NHSL1: variants seen among roughly 807,000 people sequenced by gnomAD.
NHSL1 encodes NHS like 1, also known as NHS-like protein 1.
In NHSL1, 48 loss-of-function variants were observed where a neutral mutation model predicts 95.0. That is an observed-to-expected ratio of 0.51 (90% CI 0.40 to 0.64). The LOEUF (loss-of-function observed/expected upper bound fraction) is 0.64. NHSL1 is among the 30% of genes least tolerant of loss of function. NHSL1 has a pLI of 0.00. For missense variants in NHSL1, 1,971 were observed against 2,077.7 expected (o/e 0.95, Z 1.00); for synonymous variants, 783 against 833.9 (o/e 0.94, Z 1.05).
rs2128237647 is a variant in NHSL1, at chr6:138,464,342, GA to G, written c.339+8963del. 3 of 543,652 alleles carry G rather than the reference GA, an allele frequency of 5.5e-6. No individual in the cohort carries two copies. The South Asian group carries it at 5.9e-5, about 11-fold the overall frequency. 33.7% of individuals were successfully genotyped at this position (543,652 alleles called of 1,614,324 possible). A position where few individuals can be genotyped will look rare whatever the true frequency, so the allele number is the denominator to read the frequency against. ...CACACTCCTGGAGCTCCACGGCCTG[GA>G]GGCCATCTTGCAGGTGGTCGCCATC... is the stretch of plus-strand genomic sequence containing the variant. On this transcript the variant is annotated intron_variant, in intron 3 of 7. Transcript: ENST00000343505.
At chr6:138,466,734 T>C (rs765566440) in intron 3 of NHSL1, among the ~76,000 whole-genome samples, 2 of 152,000 alleles carry the variant, frequency 1.3e-5, no homozygotes, top group Non-Finnish European at 2.9e-5. Flanking sequence ...TTGCTTGTGG[T>C]GATGCTGGTG....
intron 1 of NHSL1, among the ~76,000 whole-genome samples, chr6:138,685,642 G>C (rs1785575750): frequency 6.6e-6 from 1 of 151,980 alleles, no homozygotes; most frequent in Admixed American, 6.6e-5. Context: ...CTTGAGGCCA[G>C]AGTTTGAGAT....
intron 1 of NHSL1, among the ~76,000 whole-genome samples, chr6:138,557,188 C>T (rs1425431494): frequency 4.6e-5 from 7 of 152,084 alleles, no homozygotes; most frequent in Non-Finnish European, 7.4e-5. Context: ...CGTACCAAAA[C>T]GAAAAGCCAA....
upstream of NHSL1, among the ~76,000 whole-genome samples, chr6:138,573,185 T>C (rs1416990171): frequency 4.6e-5 from 7 of 152,226 alleles, no homozygotes; most frequent in Admixed American, 4.6e-4. Context: ...CTGCAGGCTC[T>C]AGCCCTGAGC....
At chr6:138,528,635 T>C (rs1168999292) in intron 1 of NHSL1, among the ~76,000 whole-genome samples, 1 of 152,214 alleles carries the variant, frequency 6.6e-6, no homozygotes, top group African/African-American at 2.4e-5. Flanking sequence ...CTGCTATTAA[T>C]TATCACCCTA....
intron 1 of NHSL1, among the ~76,000 whole-genome samples, chr6:138,508,046 T>C (rs1487409582): frequency 6.6e-6 from 1 of 152,200 alleles, no homozygotes; most frequent in African/African-American, 2.4e-5. Context: ...TAATCCAATA[T>C]CATTGCTGCC....
intron 1 of NHSL1, among the ~76,000 whole-genome samples, chr6:138,621,741 CA>C (rs201634346): frequency 6.6e-6 from 1 of 151,596 alleles, no homozygotes; most frequent in African/African-American, 2.4e-5. Flanking sequence ...ATTAGCTATC[CA>C]AAAAAAATAT....
At chr6:138,596,920 C>A (rs933451536) in intron 1 of NHSL1, among the ~76,000 whole-genome samples, 2 of 152,034 alleles carry the variant, frequency 1.3e-5, no homozygotes, top group African/African-American at 4.8e-5. Context: ...TCAGGGTTCC[C>A]GCCTTGCAAT....
rs750677452 is a variant in NHSL1, at chr6:138,430,266, C to T, written c.3952+127G>A. 1 of 1,305,116 alleles carries T rather than the reference C, an allele frequency of 7.7e-7. No individual in the cohort carries two copies. Among genetic ancestry groups the T allele is most frequent in the Admixed American group, 3.4e-5 (1 of 29,336 alleles). 80.8% of individuals were successfully genotyped at this position (1,305,116 alleles called of 1,614,324 possible). On this transcript the variant is annotated intron_variant, in intron 6 of 7. Transcript: ENST00000343505. The surrounding 1 kb of genome is among the most constrained non-coding windows in gnomAD (Gnocchi z 4.7). ...TGTTTTAACACAGGAAGCCTACATA[C>T]TGCTAGCTTTAACAGGAATCTGATC...
At chr6:138,429,574 T>C in intron 7 of NHSL1, 137 bp downstream of exon 7, 1 of 758,706 alleles carries the variant, frequency 1.3e-6, no homozygotes, top group South Asian at 2.3e-5. Flanking sequence ...AGAAACCCAC[T>C]AAAAAATCAA....
chr6:138,665,864 G>A lies in NHSL1; in HGVS notation c.96+26612C>T, dbSNP rs539546675. Among the ~76,000 whole-genome samples the A allele has an allele frequency of 3.9e-5, 6 of 152,260 alleles. No individual in the cohort carries two copies. The South Asian group carries it at 1.2e-3, about 32-fold the overall frequency. Reference sequence around the variant, plus strand: ...TTAACCACAAGCTTTACTCCCGAGTGATTAAGTTTCTCCCCAGTTTAAGCC... The same window carrying A: ...TTAACCACAAGCTTTACTCCCGAGTAATTAAGTTTCTCCCCAGTTTAAGCC... On this transcript the variant is annotated intron_variant, in intron 1 of 3. Coordinates refer to the NHSL1 transcript ENST00000491526.
Position 138,650,317 on chromosome 6 carries a change from G to A in NHSL1, c.96+42159C>T, listed in dbSNP as rs1425823691. On this transcript the variant is annotated intron_variant, in intron 1 of 3. Coordinates refer to the NHSL1 transcript ENST00000491526. ...TACATACTCAGGTACTTCCAGCAGTGAATCCAGGATTTGAACACCGGGGAG... is the reference window on the plus strand; with the variant it reads ...TACATACTCAGGTACTTCCAGCAGTAAATCCAGGATTTGAACACCGGGGAG... The A allele has an allele frequency of 1.3e-5, 11 of 823,170 alleles. No individual in the cohort carries two copies. In the East Asian group the frequency reaches 3.2e-4, roughly 24 times the overall value. 51.0% of individuals were successfully genotyped at this position (823,170 alleles called of 1,614,324 possible).
chr6:138,458,437 A>T (rs1301745261), intron 3 of NHSL1, among the ~76,000 whole-genome samples: 1 of 152,172 alleles, frequency 6.6e-6, no homozygotes, highest in Admixed American at 6.5e-5. Context: ...ACAGCCTATA[A>T]TCCCAGCACT....
chr6:138,584,281 T>C (rs1043484065), intron 1 of NHSL1, among the ~76,000 whole-genome samples: 1 of 151,796 alleles, frequency 6.6e-6, no homozygotes, highest in Non-Finnish European at 1.5e-5. Context: ...TATCTAAAAA[T>C]TGATCTCTAT....
intron 1 of NHSL1, among the ~76,000 whole-genome samples, chr6:138,625,299 C>T (rs532970965): frequency 1.1e-4 from 17 of 152,032 alleles, no homozygotes; most frequent in South Asian, 6.2e-4. Flanking sequence ...TGCGCCACCA[C>T]GCCTGACTAA....
At chr6:138,641,840 T>C (rs1433667979) in intron 1 of NHSL1, among the ~76,000 whole-genome samples, 1 of 152,088 alleles carries the variant, frequency 6.6e-6, no homozygotes, top group Non-Finnish European at 1.5e-5. Flanking sequence ...TCCCTCACTC[T>C]CAGTCCCCAC....
At chr6:138,489,865 AGAGAGAGG>A (rs1284929792) in intron 2 of NHSL1, among the ~76,000 whole-genome samples, 70 of 71,654 alleles carry the variant, frequency 9.8e-4, no homozygotes, top group East Asian at 1.6e-3. Flanking sequence ...AGAGAGAGAG[AGAGAGAGG>A]GAGAGAGGGA....
chr6:138,439,168 T>G (rs1390849150), intron 5 of NHSL1, among the ~76,000 whole-genome samples: 1 of 152,194 alleles, frequency 6.6e-6, no homozygotes, highest in Non-Finnish European at 1.5e-5. Flanking sequence ...ATATAAATCC[T>G]TTCTAATTCA....
At chr6:138,589,665 T>C (rs977068799) in intron 1 of NHSL1, among the ~76,000 whole-genome samples, 1 of 152,162 alleles carries the variant, frequency 6.6e-6, no homozygotes, top group Non-Finnish European at 1.5e-5. Context: ...TCATTCCACC[T>C]CCTTCTCACA....
Sources: allele counts gnomAD v4.1 joint callset (sites outside exome capture counted in the v4.1 genomes callset), GRCh38; gene constraint gnomAD v4.1.1; non-coding constraint Gnocchi (gnomAD v3.1); transcripts MANE v1.5; gene names NCBI Gene and HGNC (gene_info 2026-07-23, HGNC 2026-07-21).